GRAMD1B: variants seen among roughly 807,000 people sequenced by gnomAD.
The protein encoded by GRAMD1B is protein Aster-B.
In GRAMD1B, 37 loss-of-function variants were observed where a neutral mutation model predicts 99.7. The observed-to-expected ratio is 0.37, with a 90% CI of 0.29 to 0.49. The LOEUF (loss-of-function observed/expected upper bound fraction) is 0.49, where lower values mean the gene tolerates loss of function less well. Among genes scored for constraint, GRAMD1B ranks in the 20% least tolerant of loss-of-function variants. The probability of loss-of-function intolerance (pLI) is 0.98; values close to 1 mark genes in which losing one functional copy is unlikely to be tolerated. For synonymous variants in GRAMD1B, 427 were observed against 387.6 expected, an observed-to-expected ratio of 1.10 and a Z score of -1.19; for missense variants, 888 against 1,009.2, an observed-to-expected ratio of 0.88 and a Z score of 1.63.
intron 2 of GRAMD1B, among the ~76,000 whole-genome samples, chr11:123,503,543 A>T (rs577700162): frequency 6.9e-6 from 1 of 145,182 alleles, no homozygotes; most frequent in Non-Finnish European, 1.5e-5. Context: ...ATTTTCATTT[A>T]AATTTCACCT....
chr11:123,473,256 G>GT (rs1167188787), intron 1 of GRAMD1B, among the ~76,000 whole-genome samples: 1 of 152,062 alleles, frequency 6.6e-6, no homozygotes, highest in African/African-American at 2.4e-5. Flanking sequence ...TAGAGACGGG[G>GT]TTTCACCATG....
chr11:123,495,165 T>C (rs945585953), intron 2 of GRAMD1B, among the ~76,000 whole-genome samples: 2 of 150,740 alleles, frequency 1.3e-5, no homozygotes, highest in African/African-American at 4.9e-5. Context: ...ACACATAAAT[T>C]ATGTGTGTAC....
In GRAMD1B at chr11:123,608,742, G is replaced by T; in HGVS notation, c.1597G>T (p.Asp533Tyr). 6.4e-7 allele frequency: 1 copy of T among 1,553,720 alleles called. No individual in the cohort carries two copies. Among genetic ancestry groups the T allele is most frequent in the Non-Finnish European group, 8.7e-7 (1 of 1,147,900 alleles). ...VFNFSVDKLYDLLFTNSPFQR... is the reference protein window; with the variant it reads ...VFNFSVDKLYYLLFTNSPFQR... ...CAACTTCAGCGTGGACAAGCTCTATGACCTCCTCTTCACCAACTCGCCCTT... is the reference window on the plus strand; with the variant it reads ...CAACTTCAGCGTGGACAAGCTCTATTACCTCCTCTTCACCAACTCGCCCTT... Residue 533 changes from aspartate (D) to tyrosine (Y), a missense_variant, in exon 12 of 20, where the codon GAC becomes TAC. By Grantham distance (160) the Asp-to-Tyr change is radical. This residue lies in a region of GRAMD1B where 269 missense variants were observed against 296.6 expected (regional missense o/e 0.91). Coordinates refer to ENST00000635736, the MANE Select transcript of GRAMD1B (RefSeq NM_001387025.1).
chr11:123,553,571 CTTTAAGT>C (rs1179174215), intron 2 of GRAMD1B, among the ~76,000 whole-genome samples: 1 of 152,182 alleles, frequency 6.6e-6, no homozygotes, highest in African/African-American at 2.4e-5. Context: ...CCATTTCTTG[CTTTAAGT>C]TTTAATTACG....
intron 7 of GRAMD1B, chr11:123,598,375 C>A: frequency 9.9e-7 from 1 of 1,013,264 alleles, no homozygotes; most frequent in Non-Finnish European, 1.6e-6. Context: ...TGCTCTTTTT[C>A]GTCTTCCTCT....
chr11:123,486,894 C>A (rs1937875733), intron 2 of GRAMD1B, among the ~76,000 whole-genome samples: 1 of 152,074 alleles, frequency 6.6e-6, no homozygotes, highest in Non-Finnish European at 1.5e-5. Context: ...CATGGCAAAA[C>A]CCTGTCTCTA....
intron 1 of GRAMD1B, among the ~76,000 whole-genome samples, chr11:123,388,944 G>A (rs894062709): frequency 6.6e-6 from 1 of 152,096 alleles, no homozygotes; most frequent in Non-Finnish European, 1.5e-5. Flanking sequence ...CATTCAGTCC[G>A]GGGATCAAGG....
chr11:123,367,468 T>G lies in GRAMD1B; in HGVS notation c.-176+8669T>G, dbSNP rs556552477. ...TTTGAGCTGGGTTCTAAAAGGTGAG[T>G]AGGCGTGATCCAGACGGAGAAGGGT... On this transcript the variant is annotated intron_variant, in intron 1 of 20. Coordinates refer to the GRAMD1B transcript ENST00000638157. Among the ~76,000 whole-genome samples the G allele has an allele frequency of 2.6e-5, 4 of 152,200 alleles. No individual in the cohort carries two copies. In the South Asian group the frequency reaches 8.3e-4, roughly 32 times the overall value.
At chr11:123,389,419 G>A (rs1947195957) in intron 1 of GRAMD1B, among the ~76,000 whole-genome samples, 2 of 151,676 alleles carry the variant, frequency 1.3e-5, no homozygotes, top group South Asian at 2.1e-4. Context: ...GGCAGCTTCT[G>A]TAAGATACCT....
chr11:123,372,902 G>T (rs567513948), intron 1 of GRAMD1B, among the ~76,000 whole-genome samples: 74 of 152,260 alleles, frequency 4.9e-4, no homozygotes, highest in African/African-American at 1.7e-3. Context: ...CACTTTGGAA[G>T]GCTGAGTTGG....
intron 2 of GRAMD1B, among the ~76,000 whole-genome samples, chr11:123,503,718 G>C (rs1377162653): frequency 6.6e-6 from 1 of 151,948 alleles, no homozygotes; most frequent in African/African-American, 2.4e-5. Context: ...GGCTAATTTT[G>C]TATTTTTTAG....
At chr11:123,378,425 C>T (rs1001965701) in intron 1 of GRAMD1B, among the ~76,000 whole-genome samples, 1 of 152,184 alleles carries the variant, frequency 6.6e-6, no homozygotes, top group Non-Finnish European at 1.5e-5. Flanking sequence ...GTTCTGAAGT[C>T]CAGTGCACTG....
chr11:123,579,269 G>A (rs548150048), intron 3 of GRAMD1B, among the ~76,000 whole-genome samples: 2 of 152,224 alleles, frequency 1.3e-5, no homozygotes, highest in South Asian at 4.1e-4. Context: ...GATGCAGCCC[G>A]AAGAAGGGGA....
At position 123,418,196 on chromosome 11, in the gene GRAMD1B, T is replaced by C. The variant is rs181196884; in HGVS notation, c.-176+59397T>C. Among the ~76,000 whole-genome samples the C allele has an allele frequency of 9.8e-5, 15 of 152,334 alleles. No individual in the cohort carries two copies. The East Asian group carries it at 2.1e-3, about 22-fold the overall frequency. On this transcript the variant is annotated intron_variant, in intron 1 of 20. Transcript: ENST00000638157. The stretch of plus-strand genomic sequence containing the variant: ...TTAATGTCAGCCTTCTAATCAGGAC[T>C]TGCAGACATCCTTCAAACGGAAAAC...
At chr11:123,372,051 A>T (rs1386609951) in intron 1 of GRAMD1B, among the ~76,000 whole-genome samples, 1 of 152,240 alleles carries the variant, frequency 6.6e-6, no homozygotes, top group Non-Finnish European at 1.5e-5. Flanking sequence ...CTTTGATTAC[A>T]GAGCACTGAA....
intron 1 of GRAMD1B, among the ~76,000 whole-genome samples, chr11:123,359,375 G>C (rs547386044): frequency 8.7e-6 from 1 of 115,040 alleles, no homozygotes. Context: ...TCTGCTTCTC[G>C]TTTCCTCTGA....
At chr11:123,530,250 A>G (rs903876209) in intron 2 of GRAMD1B, among the ~76,000 whole-genome samples, 8 of 151,748 alleles carry the variant, frequency 5.3e-5, no homozygotes, top group Non-Finnish European at 7.4e-5. Flanking sequence ...ATGGTCAACA[A>G]TATTTTATTT....
intron 1 of GRAMD1B, among the ~76,000 whole-genome samples, chr11:123,394,083 T>C (rs970386545): frequency 3.3e-5 from 5 of 152,318 alleles, no homozygotes; most frequent in Admixed American, 1.3e-4. Context: ...ACTAAGATGA[T>C]CATATAATTT....
chr11:123,368,788 G>T (rs1041812860), intron 1 of GRAMD1B, among the ~76,000 whole-genome samples: 1 of 151,384 alleles, frequency 6.6e-6, no homozygotes, highest in African/African-American at 2.4e-5. Context: ...TTGGAGTGAA[G>T]ATTTGGGGTT....
Sources: allele counts gnomAD v4.1 joint callset (sites outside exome capture counted in the v4.1 genomes callset), GRCh38; gene constraint gnomAD v4.1.1; regional missense constraint gnomAD v4.1.1; transcripts MANE v1.5; gene names NCBI Gene and HGNC (gene_info 2026-07-23, HGNC 2026-07-21).